PTPN13: variants seen among roughly 807,000 people sequenced by gnomAD.
PTPN13 encodes the protein protein tyrosine phosphatase non-receptor type 13.
A neutral mutation model predicts 284.0 loss-of-function variants in PTPN13; 191 were observed. That is an observed-to-expected ratio of 0.67 (90% CI 0.60 to 0.76). The LOEUF is 0.76. PTPN13 is among the 30% of genes least tolerant of loss of function. The pLI is 0.00. For missense variants in PTPN13, 2,797 were observed against 2,939.9 expected, an observed-to-expected ratio of 0.95 and a Z score of 1.12; for synonymous variants, 986 against 1,022.3, an observed-to-expected ratio of 0.96 and a Z score of 0.68.
chr4:86,754,588 G>A (rs1262847079), intron 20 of PTPN13, among the ~76,000 whole-genome samples: 1 of 151,866 alleles, frequency 6.6e-6, no homozygotes, highest in Non-Finnish European at 1.5e-5. Flanking sequence ...TTGAACAAAG[G>A]CAATCTGTTT....
At chr4:86,703,116 A>G (rs1731339602) in intron 7 of PTPN13, among the ~76,000 whole-genome samples, 1 of 152,148 alleles carries the variant, frequency 6.6e-6, no homozygotes, top group African/African-American at 2.4e-5. Flanking sequence ...TATGGAGGAA[A>G]TTATTGAATA....
intron 2 of PTPN13, among the ~76,000 whole-genome samples, chr4:86,642,084 T>C (rs969379497): frequency 6.6e-6 from 1 of 152,178 alleles, no homozygotes; most frequent in Non-Finnish European, 1.5e-5. Flanking sequence ...AGATATTTTA[T>C]TAATATAAAG....
At chr4:86,611,686 G>A (rs1322571506) in intron 1 of PTPN13, among the ~76,000 whole-genome samples, 1 of 152,154 alleles carries the variant, frequency 6.6e-6, no homozygotes, top group Non-Finnish European at 1.5e-5. Context: ...GGCATATGGT[G>A]GGAGAAACCA....
At chr4:86,654,313 T>C (rs996137345) in intron 2 of PTPN13, among the ~76,000 whole-genome samples, 1 of 152,042 alleles carries the variant, frequency 6.6e-6, no homozygotes, top group African/African-American at 2.4e-5. Flanking sequence ...AAGAATCAAA[T>C]AGACACAATA....
At chr4:86,658,622 T>C (rs1201377704) in intron 2 of PTPN13, among the ~76,000 whole-genome samples, 2 of 152,122 alleles carry the variant, frequency 1.3e-5, no homozygotes, top group Non-Finnish European at 2.9e-5. Flanking sequence ...ACCCTAATAC[T>C]AAAAATATGA....
In PTPN13 at chr4:86,781,959, C is replaced by CG. The variant is rs567018035; in HGVS notation, c.5963-241dup. On this transcript the variant is annotated intron_variant, in intron 36 of 47. Coordinates refer to ENST00000411767, the MANE Select transcript of PTPN13 (RefSeq NM_080683.3). Reference sequence around the variant, plus strand: ...GCCTGGCAACAGAGCATGACTCTGTCGAAAAAAAAAAAAAAGAAAAAGAAA... The same window carrying CG: ...GCCTGGCAACAGAGCATGACTCTGTCGGAAAAAAAAAAAAAAGAAAAAGAAA... 1.4e-3 allele frequency among the ~76,000 whole-genome samples: 183 copies of CG among 135,124 alleles called. 3 individuals are homozygous for CG. Among genetic ancestry groups the CG allele is most frequent in the African/African-American group, 4.9e-3 (172 of 35,242 alleles). 88.6% of individuals were successfully genotyped at this position (135,124 alleles called of 152,430 possible).
At chr4:86,686,799 T>G (rs1416918743) in intron 4 of PTPN13, 24 bp downstream of exon 4, 2 of 1,489,440 alleles carry the variant, frequency 1.3e-6, no homozygotes, top group African/African-American at 1.4e-5. Flanking sequence ...TTACAGTTGT[T>G]ATACTTTTTA....
intron 5 of PTPN13, chr4:86,689,662 C>T (rs1416886115): frequency 1.4e-6 from 1 of 702,458 alleles, no homozygotes; most frequent in Non-Finnish European, 2.6e-6. Flanking sequence ...TCTCGGAACA[C>T]TGCTACCTAG....
At chr4:86,654,502 AC>A (rs1238633080) in intron 2 of PTPN13, among the ~76,000 whole-genome samples, 1 of 152,216 alleles carries the variant, frequency 6.6e-6, no homozygotes, top group Non-Finnish European at 1.5e-5. Flanking sequence ...TTCGTTATGT[AC>A]CCAGTAGTCA....
At chr4:86,741,375 C>T (rs542821182) in intron 15 of PTPN13, among the ~76,000 whole-genome samples, 3 of 152,286 alleles carry the variant, frequency 2.0e-5, no homozygotes, top group Middle Eastern at 3.4e-3. Context: ...TGGAGGCAGA[C>T]AAGAGAAGAG....
intron 1 of PTPN13, among the ~76,000 whole-genome samples, chr4:86,617,762 A>G (rs1195143322): frequency 6.6e-6 from 1 of 151,934 alleles, no homozygotes; most frequent in East Asian, 1.9e-4. Context: ...TCCTTCACCC[A>G]CTTTTTGATG....
chr4:86,745,836 C>T (rs904407719), intron 17 of PTPN13, among the ~76,000 whole-genome samples: 2 of 151,922 alleles, frequency 1.3e-5, no homozygotes, highest in African/African-American at 4.8e-5. Context: ...ATGACCTATA[C>T]TGTTAGAAGA....
intron 9 of PTPN13, among the ~76,000 whole-genome samples, chr4:86,720,227 A>G (rs991559632): frequency 3.3e-5 from 5 of 152,210 alleles, no homozygotes; most frequent in Non-Finnish European, 7.3e-5. Flanking sequence ...AAACATATTC[A>G]AGCGAAATTA....
intron 43 of PTPN13, among the ~76,000 whole-genome samples, chr4:86,804,718 T>C (rs553893830): frequency 6.6e-6 from 1 of 152,338 alleles, no homozygotes; most frequent in African/African-American, 2.4e-5. Flanking sequence ...CCCAATAAGC[T>C]GTAAAGGCCA....
intron 3 of PTPN13, among the ~76,000 whole-genome samples, chr4:86,674,671 A>G (rs1162051096): frequency 2.6e-5 from 4 of 152,218 alleles, no homozygotes; most frequent in African/African-American, 9.6e-5. Context: ...AGGTAGGGGT[A>G]ATGCTTAAGG....
chr4:86,745,340 A>G (rs1736620072), intron 17 of PTPN13, among the ~76,000 whole-genome samples: 1 of 152,208 alleles, frequency 6.6e-6, no homozygotes, highest in Non-Finnish European at 1.5e-5. Flanking sequence ...TACCTGTTGA[A>G]GTGTCCATTT....
chr4:86,758,033 T>A (rs2149231528), intron 20 of PTPN13, among the ~76,000 whole-genome samples: 1 of 152,300 alleles, frequency 6.6e-6, no homozygotes, highest in Non-Finnish European at 1.5e-5. Flanking sequence ...GAAATATACT[T>A]ATTTCAAAAG....
In PTPN13 at chr4:86,689,043, T is replaced by A; in HGVS notation, c.399T>A (p.Leu133=). ...KLGDHLNSIL[L]GMCEDVIYAR... ...GAGATCATCTCAACAGCATACTGCT[T>A]GGAATGTGTGAGGATGTTATTTACG... is the stretch of plus-strand genomic sequence containing the variant. The change falls in exon 5 of 48, where the codon CTT becomes CTA. Residue 133 remains leucine, a synonymous_variant. Coordinates refer to ENST00000411767, the MANE Select transcript of PTPN13 (RefSeq NM_080683.3). 2 of 1,582,964 alleles carry A rather than the reference T, an allele frequency of 1.3e-6. No homozygotes were observed. The highest frequency in any genetic ancestry group is 2.7e-5 in the African/African-American group (2 of 74,360).
intron 1 of PTPN13, among the ~76,000 whole-genome samples, chr4:86,624,176 A>C (rs1565169738): frequency 6.6e-6 from 1 of 152,034 alleles, no homozygotes; most frequent in East Asian, 1.9e-4. Flanking sequence ...TTGTAGCTTT[A>C]TTTTCTTTTT....
Sources: gnomAD v4.1 joint callset for allele counts (sites outside exome capture counted in the v4.1 genomes callset) on GRCh38, gnomAD v4.1.1 for gene constraint, MANE v1.5 for transcripts, NCBI Gene and HGNC (gene_info 2026-07-23, HGNC 2026-07-21) for gene names.